Variants in GLCCI1 observed in about 807,000 individuals in gnomAD.
The protein encoded by GLCCI1 is glucocorticoid-induced transcript 1 protein.
In GLCCI1, 24 loss-of-function variants were observed where a neutral mutation model predicts 52.2. The ratio of observed to expected loss-of-function variants is 0.46; its 90% CI spans 0.33 to 0.65. The LOEUF is 0.65. Among genes scored for constraint, GLCCI1 ranks in the 30% least tolerant of loss-of-function variants. The pLI, the probability that GLCCI1 is intolerant of heterozygous loss-of-function variation, is 0.02. For missense variants in GLCCI1, 704 were observed against 701.5 expected (o/e 1.00, Z -0.04); for synonymous variants, 310 against 276.5 (o/e 1.12, Z -1.20).
chr7:8,045,782 A>G (rs1330186106), intron 3 of GLCCI1, among the ~76,000 whole-genome samples: 1 of 152,154 alleles, frequency 6.6e-6, no homozygotes, highest in Non-Finnish European at 1.5e-5. Flanking sequence ...GGAGCTGTGT[A>G]ACTCCAGAGG....
intron 1 of GLCCI1, among the ~76,000 whole-genome samples, chr7:7,977,016 T>C (rs940146669): frequency 5.3e-5 from 8 of 152,178 alleles, no homozygotes; most frequent in African/African-American, 1.9e-4. Context: ...CTAGTGTTAC[T>C]GAAGATCAAA....
At chr7:8,067,795 TC>T (rs1461170885) in intron 5 of GLCCI1, among the ~76,000 whole-genome samples, 1 of 152,174 alleles carries the variant, frequency 6.6e-6, no homozygotes, top group Admixed American at 6.5e-5. Context: ...TTTCTTTCAT[TC>T]CAACCTTGGA....
intron 1 of GLCCI1, among the ~76,000 whole-genome samples, chr7:8,001,714 C>T (rs922208911): frequency 3.9e-5 from 6 of 152,162 alleles, no homozygotes; most frequent in Non-Finnish European, 7.3e-5. Flanking sequence ...AAATGTCCAT[C>T]AGTGATAGAC....
intron 3 of GLCCI1, among the ~76,000 whole-genome samples, chr7:8,053,335 G>GTT (rs369225877): frequency 1.5e-5 from 2 of 134,036 alleles, no homozygotes; most frequent in Non-Finnish European, 3.1e-5. Flanking sequence ...TTGTTTGTTT[G>GTT]TTTGTTTTGA....
Position 7,969,160 on chromosome 7 carries a change from T to A in GLCCI1, c.-191T>A. 1 of 426,202 alleles carries A rather than the reference T, an allele frequency of 2.3e-6. No homozygotes were observed. Among genetic ancestry groups the A allele is most frequent in the Non-Finnish European group, 3.3e-6 (1 of 299,990 alleles). 26.4% of individuals were successfully genotyped at this position (426,202 alleles called of 1,614,324 possible). ...GACGTTTGTTTTCGCAGCCTTCCCC[T>A]CCCCCCTCGCCGAGGCGGCGGGGGT... is the stretch of plus-strand genomic sequence containing the variant. On this transcript the variant is annotated 5_prime_UTR_variant, in exon 1 of 8. Coordinates refer to ENST00000223145, the MANE Select transcript of GLCCI1 (RefSeq NM_138426.4). This position sits in a 1 kb window ranked among gnomAD's most constrained non-coding sequence, Gnocchi z 4.9.
At chr7:8,052,848 C>G (rs983311581) in intron 3 of GLCCI1, among the ~76,000 whole-genome samples, 3 of 152,128 alleles carry the variant, frequency 2.0e-5, no homozygotes, top group Admixed American at 6.5e-5. Flanking sequence ...ATCCTGCTTC[C>G]TTTCTCACTG....
At chr7:8,058,154 CT>C (rs1782439017) in intron 4 of GLCCI1, among the ~76,000 whole-genome samples, 4 of 152,110 alleles carry the variant, frequency 2.6e-5, no homozygotes, top group Middle Eastern at 3.4e-3. Context: ...TCAGTTTCCT[CT>C]TATATTAGTA....
intron 3 of GLCCI1, among the ~76,000 whole-genome samples, chr7:8,050,832 A>G (rs1782241904): frequency 6.6e-6 from 1 of 152,194 alleles, no homozygotes; most frequent in South Asian, 2.1e-4. Context: ...TTTTAGCAAT[A>G]TATTTTTTTA....
At chr7:8,022,005 C>T (rs1359371940) in intron 2 of GLCCI1, among the ~76,000 whole-genome samples, 1 of 152,074 alleles carries the variant, frequency 6.6e-6, no homozygotes, top group Non-Finnish European at 1.5e-5. Flanking sequence ...AAAAAAGATA[C>T]TAATACTTAC....
At chr7:7,995,669 CATGTTCTCACTCATAGGTGGGA>C (rs1780924580) in intron 1 of GLCCI1, among the ~76,000 whole-genome samples, 3 of 152,248 alleles carry the variant, frequency 2.0e-5, no homozygotes, top group Non-Finnish European at 4.4e-5. Context: ...CCAAACACCG[CATGTTCTCACTCATAGGTGGGA>C]ATTGAACAGT....
At chr7:7,976,890 C>G (rs201801829) in intron 1 of GLCCI1, among the ~76,000 whole-genome samples, 1 of 151,438 alleles carries the variant, frequency 6.6e-6, no homozygotes, top group East Asian at 1.9e-4. Flanking sequence ...CTACTGCACT[C>G]CAGCCTGGGT....
At chr7:8,021,763 G>A (rs1446716739) in intron 2 of GLCCI1, among the ~76,000 whole-genome samples, 1 of 152,068 alleles carries the variant, frequency 6.6e-6, no homozygotes, top group Non-Finnish European at 1.5e-5. Context: ...GCATTATTTC[G>A]GATTTAGTGA....
chr7:8,002,152 A>G (rs1032453904), intron 1 of GLCCI1, among the ~76,000 whole-genome samples: 5 of 152,180 alleles, frequency 3.3e-5, no homozygotes, highest in Non-Finnish European at 5.9e-5. Flanking sequence ...GAACTAAAAT[A>G]TAAAGGTCAA....
chr7:7,979,967 G>A (rs757018055), intron 1 of GLCCI1, among the ~76,000 whole-genome samples: 1 of 151,006 alleles, frequency 6.6e-6, no homozygotes. Flanking sequence ...GCAGTGTCTC[G>A]CTGTGTCACC....
intron 3 of GLCCI1, among the ~76,000 whole-genome samples, chr7:8,053,308 T>C (rs1478099068): frequency 9.6e-6 from 1 of 104,042 alleles, no homozygotes; most frequent in East Asian, 2.3e-4. Context: ...TGTTTTTTTT[T>C]GTTTTCGTTT....
At chr7:8,028,634 T>C (rs1331112518) in intron 3 of GLCCI1, among the ~76,000 whole-genome samples, 1 of 151,950 alleles carries the variant, frequency 6.6e-6, no homozygotes, top group Non-Finnish European at 1.5e-5. Context: ...AAAATGGATT[T>C]GAAATGAAGA....
chr7:7,991,915 T>C (rs548179351), intron 1 of GLCCI1, among the ~76,000 whole-genome samples: 2 of 152,218 alleles, frequency 1.3e-5, no homozygotes, highest in East Asian at 3.9e-4. Flanking sequence ...GTGTGAATCC[T>C]CCAATTTCAG....
chr7:8,076,265 T>G (rs920275109), intron 6 of GLCCI1, among the ~76,000 whole-genome samples: 1 of 152,190 alleles, frequency 6.6e-6, no homozygotes, highest in Non-Finnish European at 1.5e-5. Context: ...CTACCACACC[T>G]TGAAAAATCA....
rs1292724546 is a variant in GLCCI1 at position 8,088,802 on chromosome 7, A to G, written c.*2264A>G. 1 of 152,686 alleles carries G rather than the reference A, an allele frequency of 6.5e-6. No homozygotes were observed. The highest frequency in any genetic ancestry group is 1.5e-5 in the Non-Finnish European group (1 of 68,040). 9.5% of individuals were successfully genotyped at this position (152,686 alleles called of 1,614,324 possible). A position where few individuals can be genotyped will look rare whatever the true frequency, so the allele number is the denominator to read the frequency against. The stretch of plus-strand genomic sequence containing the variant: ...TACATTTGTTCTTAGCATATATTAA[A>G]GTTTTGAACCAAATGTGTTAAAGCT... On this transcript the variant is annotated 3_prime_UTR_variant, in exon 8 of 8. Transcript: ENST00000223145.
Sources: allele counts gnomAD v4.1 joint callset (sites outside exome capture counted in the v4.1 genomes callset), GRCh38; gene constraint gnomAD v4.1.1; non-coding constraint Gnocchi (gnomAD v3.1); transcripts MANE v1.5; gene names NCBI Gene and HGNC (gene_info 2026-07-23, HGNC 2026-07-21).